Variants in RNF130 observed in about 807,000 individuals in gnomAD.
RNF130 encodes the protein E3 ubiquitin-protein ligase RNF130.
Under a neutral mutation model 44.6 loss-of-function variants are expected in RNF130, and 21 were observed. The observed-to-expected ratio is 0.47, with a 90% CI of 0.33 to 0.68. The LOEUF (loss-of-function observed/expected upper bound fraction) is 0.68. Among genes scored for constraint, RNF130 ranks in the 30% least tolerant of loss-of-function variants. The pLI is 0.02. For synonymous variants in RNF130, 214 were observed against 210.4 expected (o/e 1.02, Z -0.15); for missense variants, 479 against 560.6 (o/e 0.85, Z 1.47).
At chr5:180,025,131 T>C (rs1763957175) in intron 2 of RNF130, among the ~76,000 whole-genome samples, 2 of 152,188 alleles carry the variant, frequency 1.3e-5, no homozygotes, top group South Asian at 4.1e-4. Context: ...CACCCAGACC[T>C]CTAACACCTA....
chr5:180,029,829 C>T (rs950686484), intron 2 of RNF130, among the ~76,000 whole-genome samples: 4 of 149,120 alleles, frequency 2.7e-5, no homozygotes, highest in Non-Finnish European at 5.9e-5. Context: ...GTGTGGGTCA[C>T]CATGCCTGGC....
At chr5:180,035,688 T>C (rs1056719923) in intron 2 of RNF130, among the ~76,000 whole-genome samples, 1 of 152,234 alleles carries the variant, frequency 6.6e-6, no homozygotes, top group South Asian at 2.1e-4. Flanking sequence ...CTCTGATATA[T>C]GTTGGTGTGT....
At chr5:180,010,650 G>A (rs998850954) in intron 3 of RNF130, among the ~76,000 whole-genome samples, 9 of 152,110 alleles carry the variant, frequency 5.9e-5, no homozygotes, top group Non-Finnish European at 1.2e-4. Context: ...GTGAGCCACC[G>A]TGCCTGGCCC....
intron 8 of RNF130, chr5:179,956,060 G>A (rs1762205794): frequency 6.0e-6 from 1 of 167,882 alleles, no homozygotes; most frequent in Non-Finnish European, 1.3e-5. Context: ...AAACAAGAAT[G>A]TCCTCACTTA....
At chr5:180,031,763 T>C (rs1205532817) in intron 2 of RNF130, among the ~76,000 whole-genome samples, 1 of 152,252 alleles carries the variant, frequency 6.6e-6, no homozygotes, top group African/African-American at 2.4e-5. Context: ...TTCTCTTAGA[T>C]ATCTGGGAGT....
chr5:180,022,172 G>C (rs1344909220), intron 2 of RNF130, among the ~76,000 whole-genome samples: 1 of 152,070 alleles, frequency 6.6e-6, no homozygotes, highest in African/African-American at 2.4e-5. Flanking sequence ...TTGATAATTT[G>C]GTAAAGGTGA....
exon 8 of RNF130, chr5:179,918,383 G>T (rs980332754): frequency 3.3e-5 from 5 of 152,196 alleles, no homozygotes; most frequent in African/African-American, 1.2e-4. Context: ...ACATTGGTAA[G>T]ACCTCAAATC....
chr5:180,028,162 ACTC>A (rs1256827571), intron 2 of RNF130, among the ~76,000 whole-genome samples: 1 of 151,996 alleles, frequency 6.6e-6, no homozygotes, highest in African/African-American at 2.4e-5. Flanking sequence ...ACTCTTCTCA[ACTC>A]CTCAACTCCG....
intron 3 of RNF130, among the ~76,000 whole-genome samples, chr5:180,001,150 C>A (rs964804159): frequency 6.6e-6 from 1 of 152,170 alleles, no homozygotes; most frequent in Non-Finnish European, 1.5e-5. Flanking sequence ...TCAGCAATAA[C>A]CATGGGTGCC....
At position 179,958,022 on chromosome 5, in the gene RNF130, C is replaced by T. The variant is rs548205151; in HGVS notation, c.1245-2353G>A. On this transcript the variant is annotated intron_variant, in intron 8 of 8. Coordinates refer to ENST00000521389, the MANE Select transcript of RNF130 (RefSeq NM_018434.6). ...CCTCCCAAGTAGCTGGGACTACAGG[C>T]GCCCGCCACTACGCCCGGCTAATTT... Among the ~76,000 whole-genome samples the T allele has an allele frequency of 9.6e-3, 1,448 of 151,124 alleles. 13 individuals carry two copies. The highest frequency in any genetic ancestry group is 0.024 in the Middle Eastern group (7 of 288).
At chr5:180,036,860 T>C (rs1764261642) in intron 2 of RNF130, among the ~76,000 whole-genome samples, 1 of 152,140 alleles carries the variant, frequency 6.6e-6, no homozygotes, top group Non-Finnish European at 1.5e-5. Flanking sequence ...AATAAAACAT[T>C]ATAGATACAT....
chr5:179,965,936 G>A (rs778219813), intron 7 of RNF130, among the ~76,000 whole-genome samples: 1 of 152,190 alleles, frequency 6.6e-6, no homozygotes, highest in Non-Finnish European at 1.5e-5. Context: ...ACTGGAGAAG[G>A]GTCCCACGAG....
intron 2 of RNF130, among the ~76,000 whole-genome samples, chr5:180,016,646 T>C (rs1010746380): frequency 6.6e-6 from 1 of 152,234 alleles, no homozygotes; most frequent in African/African-American, 2.4e-5. Context: ...ACTGTTATTC[T>C]TTAACAGGAA....
Position 180,071,632 on chromosome 5 carries a change from G to T in RNF130, c.71C>A (p.Pro24Gln), listed in dbSNP as rs1327316140. Reference protein sequence around the residue: ...ALALLTCSLWPARADNASQEY... With the variant: ...ALALLTCSLWQARADNASQEY... ...CTGGCTCGCGTTGTCTGCCCGTGCC[G>T]GCCACAGGCTGCAGGTCAGCAGGGC... is the stretch of plus-strand genomic sequence containing the variant. The change falls in exon 1 of 9, where the codon CCG becomes CAG. Residue 24 changes from proline (P) to glutamine (Q), a missense_variant. This residue lies in a region of RNF130 where 138 missense variants were observed against 126.9 expected (regional missense o/e 1.09). Coordinates refer to ENST00000521389, the MANE Select transcript of RNF130 (RefSeq NM_018434.6). 4 of 1,499,262 alleles carry T rather than the reference G, an allele frequency of 2.7e-6. No homozygotes were observed. In the South Asian group the frequency reaches 5.1e-5, roughly 19 times the overall value. The allele number at this position is 1,499,262 out of a possible 1,614,324, so 92.9% of individuals were successfully genotyped here. A position where few individuals can be genotyped will look rare whatever the true frequency, so the allele number is the denominator to read the frequency against.
intron 2 of RNF130, chr5:180,015,257 T>A (rs764292393): frequency 2.1e-6 from 1 of 474,598 alleles, no homozygotes; most frequent in Admixed American, 2.0e-5. Context: ...AAATTTCCCT[T>A]TAGAAATCTC....
At chr5:180,065,535 C>T (rs1406648864) in intron 1 of RNF130, among the ~76,000 whole-genome samples, 5 of 152,024 alleles carry the variant, frequency 3.3e-5, no homozygotes, top group African/African-American at 1.2e-4. Context: ...CCGAGACAGG[C>T]GGATCATGAG....
At chr5:180,002,875 A>C (rs1561688013) in intron 3 of RNF130, among the ~76,000 whole-genome samples, 1 of 152,066 alleles carries the variant, frequency 6.6e-6, no homozygotes, top group East Asian at 1.9e-4. Flanking sequence ...GACAAGTTCT[A>C]AGGATTTCTA....
intron 7 of RNF130, among the ~76,000 whole-genome samples, chr5:179,928,801 TG>T (rs1319891893): frequency 6.6e-6 from 1 of 152,092 alleles, no homozygotes; most frequent in Non-Finnish European, 1.5e-5. Context: ...GCTAATTTTT[TG>T]TATTTTTAGT....
At chr5:179,917,167 G>A (rs1274891390) in exon 8 of RNF130, 2 of 151,186 alleles carry the variant, frequency 1.3e-5, no homozygotes, top group Non-Finnish European at 2.9e-5. Context: ...CTCCAGCCTG[G>A]GTGACAGAGC....
Sources: gnomAD v4.1 joint callset for allele counts (sites outside exome capture counted in the v4.1 genomes callset) on GRCh38, gnomAD v4.1.1 for gene constraint, gnomAD v4.1.1 regional missense constraint, MANE v1.5 for transcripts, NCBI Gene and HGNC (gene_info 2026-07-23, HGNC 2026-07-21) for gene names.